RAD52: variants seen among roughly 807,000 people sequenced by gnomAD.
The protein encoded by RAD52 is DNA repair protein RAD52 homolog.
RAD52 carries 47 observed loss-of-function variants against 55.5 expected under a neutral mutation model. The ratio of observed to expected loss-of-function variants is 0.85; its 90% CI spans 0.67 to 1.08. The LOEUF (loss-of-function observed/expected upper bound fraction) is 1.08. Among genes scored for constraint, RAD52 ranks in the 50% least tolerant of loss-of-function variants. RAD52 has a pLI of 0.00. For missense variants in RAD52, 468 were observed against 522.8 expected (o/e 0.90, Z 1.02); for synonymous variants, 184 against 198.9 (o/e 0.92, Z 0.63).
Position 916,420 on chromosome 12 carries a change from C to T in RAD52, c.789G>A (p.Gln263=), listed in dbSNP as rs527789657. The T allele has an allele frequency of 6.2e-7, 1 of 1,608,362 alleles. No homozygotes were observed. Among genetic ancestry groups the T allele is most frequent in the South Asian group, 1.1e-5 (1 of 90,706 alleles). The change falls in exon 9 of 12, where the codon CAG becomes CAA. Residue 263 remains glutamine, a synonymous_variant. Transcript: ENST00000358495. ...TCCGCTCCCGGAACTGCTGCTGCAGCTGCTTCTGCCGGAGCTTCCGCTGGT... is the reference window on the plus strand; with the variant it reads ...TCCGCTCCCGGAACTGCTGCTGCAGTTGCTTCTGCCGGAGCTTCCGCTGGT... ...ATHQRKLRQK[Q]LQQQFRERME...
chr12:955,372 C>T (rs1958589819), intron 1 of RAD52, among the ~76,000 whole-genome samples: 1 of 152,140 alleles, frequency 6.6e-6, no homozygotes, highest in South Asian at 2.1e-4. Flanking sequence ...GTAAAGATAT[C>T]TGTAGAAGAT....
intron 1 of RAD52, among the ~76,000 whole-genome samples, chr12:967,404 A>T (rs2154121034): frequency 6.6e-6 from 1 of 151,826 alleles, no homozygotes; most frequent in African/African-American, 2.4e-5. Flanking sequence ...AAAGTTCACA[A>T]AACATATAAG....
At chr12:951,223 C>A (rs763122223), upstream of RAD52, among the ~76,000 whole-genome samples, 1 of 152,174 alleles carries the variant, frequency 6.6e-6, no homozygotes, top group African/African-American at 2.4e-5. Flanking sequence ...AGTGATCCTC[C>A]CACCTCAGCT....
intron 1 of RAD52, among the ~76,000 whole-genome samples, chr12:967,784 T>C (rs1357222558): frequency 2.0e-5 from 3 of 151,914 alleles, no homozygotes; most frequent in Non-Finnish European, 2.9e-5. Context: ...AAAAAAACTT[T>C]TTGTGGCTGG....
chr12:984,823 C>T (rs773718956), intron 1 of RAD52, among the ~76,000 whole-genome samples: 5 of 152,178 alleles, frequency 3.3e-5, no homozygotes, highest in Non-Finnish European at 2.9e-5. Context: ...CGCCACCATG[C>T]CCGGCTAATT....
At chr12:931,191 C>T (rs999238909) in intron 3 of RAD52, 29 bp downstream of exon 3, 3 of 1,586,708 alleles carry the variant, frequency 1.9e-6, no homozygotes, top group Non-Finnish European at 2.6e-6. Context: ...GTATGGATGC[C>T]TGCTTTCCAG....
Position 964,956 on chromosome 12 carries a change from C to CGCCT in RAD52, c.-19+24849_-19+24852dup, listed in dbSNP as rs1023147471. ...TGTATTATACTCATCTTTGCCTGCC[C>CGCCT]GCCTGCCTGCCTTCCTTCCTTCCTT... On this transcript the variant is annotated intron_variant, in intron 1 of 11. Transcript: ENST00000430095. 1.0e-2 allele frequency among the ~76,000 whole-genome samples: 225 copies of CGCCT among 22,572 alleles called. 3 individuals carry two copies. Among genetic ancestry groups the CGCCT allele is most frequent in the African/African-American group, 0.026 (211 of 8,110 alleles). The allele number at this position is 22,572 out of a possible 152,430, so 14.8% of individuals were successfully genotyped here.
chr12:966,717 T>C (rs190160016), intron 1 of RAD52, among the ~76,000 whole-genome samples: 62 of 152,178 alleles, frequency 4.1e-4, no homozygotes, highest in African/African-American at 1.4e-3. Context: ...AGAGATGCTA[T>C]TGTAAGCAAA....
At chr12:914,553 A>G (rs766258079) in intron 9 of RAD52, 21 bp from the exon 10 acceptor site, 48 of 1,612,120 alleles carry the variant, frequency 3.0e-5, no homozygotes, top group Non-Finnish European at 3.8e-5. Context: ...CAGAGGAGAG[A>G]AAGGACAAGT....
intron 1 of RAD52, among the ~76,000 whole-genome samples, chr12:981,264 C>T (rs1028095194): frequency 3.3e-5 from 5 of 151,930 alleles, no homozygotes; most frequent in Non-Finnish European, 4.4e-5. Flanking sequence ...GCCAGGGAGG[C>T]GGAGGTTCTA....
chr12:933,357 G>A (rs1181624477), intron 1 of RAD52, among the ~76,000 whole-genome samples: 1 of 151,828 alleles, frequency 6.6e-6, no homozygotes, highest in Non-Finnish European at 1.5e-5. Context: ...TACTCGGGAG[G>A]CTGAGGCAAA....
upstream of RAD52, among the ~76,000 whole-genome samples, chr12:952,464 A>G (rs1371243172): frequency 6.6e-6 from 1 of 152,114 alleles, no homozygotes; most frequent in Non-Finnish European, 1.5e-5. Flanking sequence ...GTGTTCCTCA[A>G]AAAGACAGGT....
At chr12:951,428 T>C (rs1355094328), upstream of RAD52, among the ~76,000 whole-genome samples, 2 of 152,232 alleles carry the variant, frequency 1.3e-5, no homozygotes, top group Non-Finnish European at 2.9e-5. Flanking sequence ...GCCCCCTTTT[T>C]AGTCGTGTGA....
At chr12:952,127 TA>T (rs777598377), upstream of RAD52, among the ~76,000 whole-genome samples, 1 of 152,112 alleles carries the variant, frequency 6.6e-6, no homozygotes, top group African/African-American at 2.4e-5. Context: ...CCCAGCTAAG[TA>T]AAAAAACATT....
chr12:987,220 C>A (rs1424193641), intron 1 of RAD52, among the ~76,000 whole-genome samples: 1 of 152,158 alleles, frequency 6.6e-6, no homozygotes, highest in Non-Finnish European at 1.5e-5. Context: ...CCACCCGCCT[C>A]AGCCTCTCAA....
At chr12:988,932 C>CA (rs1171199866) in intron 1 of RAD52, among the ~76,000 whole-genome samples, 2 of 152,226 alleles carry the variant, frequency 1.3e-5, no homozygotes, top group East Asian at 3.9e-4. Flanking sequence ...AAACCATATC[C>CA]AAACCATAGC....
chr12:960,024 G>A (rs1187972874), intron 1 of RAD52, among the ~76,000 whole-genome samples: 1 of 152,172 alleles, frequency 6.6e-6, no homozygotes, highest in African/African-American at 2.4e-5. Context: ...GATGTAGGGA[G>A]GGAGGGCACA....
At chr12:929,694 G>A (rs546215455) in intron 5 of RAD52, 125 bp downstream of exon 5, 59 of 905,104 alleles carry the variant, frequency 6.5e-5, no homozygotes, top group Non-Finnish European at 1.0e-4. Context: ...ACCACTCTAG[G>A]GAACGCTGGC....
rs536557889 is a variant in RAD52 at position 912,468 on chromosome 12, T to C, written c.*923A>G. On this transcript the variant is annotated 3_prime_UTR_variant, in exon 12 of 12. Coordinates refer to ENST00000358495, the MANE Select transcript of RAD52 (RefSeq NM_134424.4). ...CAAGGTCTCATTATGTGTATACAAA[T>C]ATTCAAAAAATGCAAAACAATTCTG... 1.0e-5 allele frequency: 2 copies of C among 195,616 alleles called. No individual in the cohort carries two copies. Among genetic ancestry groups the C allele is most frequent in the East Asian group, 1.6e-4 (2 of 12,470 alleles). The allele number at this position is 195,616 out of a possible 1,614,324, so 12.1% of individuals were successfully genotyped here. A position where few individuals can be genotyped will look rare whatever the true frequency, so the allele number is the denominator to read the frequency against.
Sources: allele counts gnomAD v4.1 joint callset (sites outside exome capture counted in the v4.1 genomes callset), GRCh38; gene constraint gnomAD v4.1.1; transcripts MANE v1.5; gene names NCBI Gene and HGNC (gene_info 2026-07-23, HGNC 2026-07-21).